The following ZCCHC7 variants were observed in gnomAD, a reference collection of about 807,000 sequenced individuals.
ZCCHC7 encodes zinc finger CCHC-type containing 7.
ZCCHC7 carries 35 observed loss-of-function variants against 52.0 expected under a neutral mutation model. The ratio of observed to expected loss-of-function variants is 0.67; its 90% CI spans 0.51 to 0.89. The LOEUF (loss-of-function observed/expected upper bound fraction) is 0.89, where lower values mean the gene tolerates loss of function less well. Ranked by LOEUF, ZCCHC7 falls within the 40% of genes least tolerant of loss-of-function variation. ZCCHC7 has a pLI of 0.00. For synonymous variants in ZCCHC7, 217 were observed against 221.5 expected (o/e 0.98, Z 0.18); for missense variants, 574 against 649.1 (o/e 0.88, Z 1.26).
chr9:37,123,278 A>G (rs964718849), intron 1 of ZCCHC7, among the ~76,000 whole-genome samples: 3 of 151,996 alleles, frequency 2.0e-5, no homozygotes, highest in Non-Finnish European at 2.9e-5. Flanking sequence ...CACTTTTTAA[A>G]AGGGTAAATT....
In ZCCHC7 at chr9:37,170,061, TAAAAAA is replaced by T. The variant is rs1047024022; in HGVS notation, c.610+43128_610+43133del. Among the ~76,000 whole-genome samples, 137 of 143,920 alleles carry T rather than the reference TAAAAAA, an allele frequency of 9.5e-4. 1 individual carries two copies. The highest frequency in any genetic ancestry group is 3.3e-3 in the African/African-American group (129 of 39,616). The allele number at this position is 143,920 out of a possible 152,430, so 94.4% of individuals were successfully genotyped here. ...GGCTGCAAAGTGAGATCCTATCTCT[TAAAAAA>T]AAAAAAAATTAGAAAAAGAATAAAA... On this transcript the variant is annotated intron_variant, in intron 2 of 8. Coordinates refer to ENST00000336755, the MANE Select transcript of ZCCHC7 (RefSeq NM_032226.3).
intron 2 of ZCCHC7, among the ~76,000 whole-genome samples, chr9:37,267,199 T>C (rs1309786389): frequency 6.6e-6 from 1 of 152,224 alleles, no homozygotes; most frequent in Non-Finnish European, 1.5e-5. Context: ...TCTGATGACC[T>C]GTTTTGATCC....
At chr9:37,216,590 C>A (rs1032606431) in intron 2 of ZCCHC7, among the ~76,000 whole-genome samples, 1 of 152,122 alleles carries the variant, frequency 6.6e-6, no homozygotes, top group African/African-American at 2.4e-5. Context: ...AGGAGAATTG[C>A]TTGAACCTGG....
chr9:37,282,125 C>A (rs981206594), intron 2 of ZCCHC7, among the ~76,000 whole-genome samples: 3 of 152,066 alleles, frequency 2.0e-5, no homozygotes, highest in Admixed American at 1.3e-4. Context: ...TAAGAATGTA[C>A]CCTCCATGTT....
intron 2 of ZCCHC7, among the ~76,000 whole-genome samples, chr9:37,154,180 C>T (rs1328478726): frequency 2.0e-5 from 3 of 152,104 alleles, no homozygotes; most frequent in East Asian, 3.9e-4. Context: ...TGAGCCACTC[C>T]GCCTGGCTCT....
At chr9:37,231,286 C>T (rs1223028622) in intron 2 of ZCCHC7, among the ~76,000 whole-genome samples, 1 of 152,010 alleles carries the variant, frequency 6.6e-6, no homozygotes, top group African/African-American at 2.4e-5. Context: ...GCACTAGTTA[C>T]GTATATTAAT....
At chr9:37,323,168 G>A (rs1830117342) in intron 5 of ZCCHC7, among the ~76,000 whole-genome samples, 1 of 152,098 alleles carries the variant, frequency 6.6e-6, no homozygotes, top group Non-Finnish European at 1.5e-5. Flanking sequence ...TCTGATTTTA[G>A]CTGCTACATT....
At chr9:37,232,914 T>C (rs1410688573) in intron 2 of ZCCHC7, among the ~76,000 whole-genome samples, 2 of 152,312 alleles carry the variant, frequency 1.3e-5, no homozygotes, top group Non-Finnish European at 1.5e-5. Context: ...CATTTGAACA[T>C]GTAAGGTCCT....
chr9:37,123,907 T>C (rs1842429873), intron 1 of ZCCHC7, among the ~76,000 whole-genome samples: 1 of 152,216 alleles, frequency 6.6e-6, no homozygotes, highest in African/African-American at 2.4e-5. Context: ...CATAGCCACC[T>C]GAAGGACAGT....
chr9:37,275,720 G>A (rs1194466818), intron 2 of ZCCHC7, among the ~76,000 whole-genome samples: 1 of 152,150 alleles, frequency 6.6e-6, no homozygotes, highest in African/African-American at 2.4e-5. Context: ...TCAGCTCACT[G>A]TAACCTCCGC....
intron 2 of ZCCHC7, among the ~76,000 whole-genome samples, chr9:37,180,213 A>G (rs1822274479): frequency 6.6e-6 from 1 of 152,188 alleles, no homozygotes; most frequent in African/African-American, 2.4e-5. Context: ...AAATTAGAGC[A>G]GAAAGAAATT....
intron 2 of ZCCHC7, among the ~76,000 whole-genome samples, chr9:37,285,230 G>A (rs1035026105): frequency 1.3e-5 from 2 of 152,056 alleles, no homozygotes; most frequent in African/African-American, 2.4e-5. Flanking sequence ...ATGATGTAGG[G>A]CTATATTTAT....
chr9:37,269,034 G>C (rs1827257168), intron 2 of ZCCHC7, among the ~76,000 whole-genome samples: 1 of 152,214 alleles, frequency 6.6e-6, no homozygotes, highest in South Asian at 2.1e-4. Flanking sequence ...AGTCGAAATG[G>C]TGAGGCAAAG....
intron 2 of ZCCHC7, among the ~76,000 whole-genome samples, chr9:37,253,942 C>G: frequency 6.6e-6 from 1 of 151,840 alleles, no homozygotes; most frequent in East Asian, 1.9e-4. Context: ...AGCTAGTAAA[C>G]TAATTTCAGT....
At chr9:37,214,460 TGTG>T (rs1280795405) in intron 2 of ZCCHC7, among the ~76,000 whole-genome samples, 1 of 152,028 alleles carries the variant, frequency 6.6e-6, no homozygotes, top group Non-Finnish European at 1.5e-5. Context: ...TTCATTATGT[TGTG>T]TTTTTTAGAA....
intron 2 of ZCCHC7, among the ~76,000 whole-genome samples, chr9:37,212,095 A>G (rs1824271922): frequency 7.2e-6 from 1 of 139,472 alleles, no homozygotes; most frequent in Non-Finnish European, 1.5e-5. Context: ...ACTGGGGATG[A>G]TTTTACCTCC....
chr9:37,340,065 G>A (rs1338121842), intron 6 of ZCCHC7, among the ~76,000 whole-genome samples: 1 of 152,130 alleles, frequency 6.6e-6, no homozygotes, highest in East Asian at 1.9e-4. Flanking sequence ...CCCAGATAAT[G>A]ATTAACTGTT....
chr9:37,356,785 C>A, intron 8 of ZCCHC7, 50 bp from the exon 9 acceptor site: 1 of 1,505,528 alleles, frequency 6.6e-7, no homozygotes. Context: ...GAAAGCTCAG[C>A]ATGGACTGTT....
At chr9:37,229,939 G>C (rs1825317276) in intron 2 of ZCCHC7, among the ~76,000 whole-genome samples, 1 of 151,924 alleles carries the variant, frequency 6.6e-6, no homozygotes, top group African/African-American at 2.4e-5. Flanking sequence ...TTGTTTGTTT[G>C]CTTTTTAAAC....
Sources: gnomAD v4.1 joint callset for allele counts (sites outside exome capture counted in the v4.1 genomes callset) on GRCh38, gnomAD v4.1.1 for gene constraint, MANE v1.5 for transcripts, NCBI Gene and HGNC (gene_info 2026-07-23, HGNC 2026-07-21) for gene names.